DPY19L2: variants seen among roughly 807,000 people sequenced by gnomAD.
DPY19L2 encodes dpy-19 like 2.
DPY19L2 carries 34 observed loss-of-function variants against 97.9 expected under a neutral mutation model. That is an observed-to-expected ratio of 0.35 (90% CI 0.26 to 0.46). The LOEUF is 0.46. DPY19L2 is among the 20% of genes least tolerant of loss of function. DPY19L2 has a pLI of 1.00. For missense variants in DPY19L2, 623 were observed against 911.4 expected, an observed-to-expected ratio of 0.68 and a Z score of 4.07; for synonymous variants, 230 against 307.9, an observed-to-expected ratio of 0.75 and a Z score of 2.65.
intron 19 of DPY19L2, among the ~76,000 whole-genome samples, chr12:63,574,556 C>T (rs966353104): frequency 6.6e-6 from 1 of 151,718 alleles, no homozygotes; most frequent in Non-Finnish European, 1.5e-5. Flanking sequence ...CTGTTACCTA[C>T]AAGAAACACA....
intron 6 of DPY19L2, among the ~76,000 whole-genome samples, chr12:63,636,743 A>C (rs1041738674): frequency 2.6e-5 from 4 of 152,182 alleles, no homozygotes; most frequent in Non-Finnish European, 5.9e-5. Context: ...AACTATCCTA[A>C]ATATATATGC....
chr12:63,636,204 A>G (rs1179743309), intron 6 of DPY19L2, among the ~76,000 whole-genome samples: 4 of 152,100 alleles, frequency 2.6e-5, no homozygotes. Flanking sequence ...GAGAAATAAA[A>G]TCCTTTACAG....
At chr12:63,642,326 T>C (rs1252378968) in intron 6 of DPY19L2, among the ~76,000 whole-genome samples, 1 of 151,148 alleles carries the variant, frequency 6.6e-6, no homozygotes, top group African/African-American at 2.5e-5. Flanking sequence ...TTTGAGGAAC[T>C]GAAGTTCTTT....
chr12:63,608,995 G>T (rs1886512504), intron 11 of DPY19L2, among the ~76,000 whole-genome samples: 1 of 152,066 alleles, frequency 6.6e-6, no homozygotes, highest in African/African-American at 2.4e-5. Context: ...AAGTCTGTAT[G>T]TCAGTTATCC....
At chr12:63,573,816 A>G (rs1879333069) in intron 19 of DPY19L2, among the ~76,000 whole-genome samples, 2 of 152,148 alleles carry the variant, frequency 1.3e-5, no homozygotes. Context: ...CTTTTACCTG[A>G]GAGTAGTGTA....
rs190267409 is a variant in DPY19L2, at chr12:63,572,608, G to T, written c.1901-1751C>A. Among the ~76,000 whole-genome samples, 638 of 152,234 alleles carry T rather than the reference G, an allele frequency of 4.2e-3. 11 individuals are homozygous for T. Among genetic ancestry groups the T allele is most frequent in the African/African-American group, 0.015 (603 of 41,524 alleles). ...GTGGTGGCCAGGCAGTAGTTACAAT[G>T]AGCTTTGGGTAAGACCCAGTGCTGT... is the stretch of plus-strand genomic sequence containing the variant. On this transcript the variant is annotated intron_variant, in intron 19 of 21. Transcript: ENST00000324472.
intron 21 of DPY19L2, among the ~76,000 whole-genome samples, chr12:63,564,411 A>T (rs112096485): frequency 6.6e-6 from 1 of 152,212 alleles, no homozygotes. Flanking sequence ...CATCCCACAA[A>T]TAGCGGGATG....
chr12:63,643,119 A>G (rs1284598128), intron 6 of DPY19L2, among the ~76,000 whole-genome samples: 1 of 152,086 alleles, frequency 6.6e-6, no homozygotes, highest in African/African-American at 2.4e-5. Context: ...ATCTAGTAAC[A>G]TTGTAAATTT....
chr12:63,623,245 A>G (rs2137823730), intron 8 of DPY19L2, among the ~76,000 whole-genome samples: 1 of 151,970 alleles, frequency 6.6e-6, no homozygotes, highest in African/African-American at 2.4e-5. Flanking sequence ...AAAAAAGTGT[A>G]TCCAAAAAAA....
At chr12:63,604,537 G>A (rs1383225415) in intron 12 of DPY19L2, among the ~76,000 whole-genome samples, 1 of 151,990 alleles carries the variant, frequency 6.6e-6, no homozygotes. Context: ...CCTTTTTCCT[G>A]TGATTTTCTC....
At chr12:63,638,951 C>T (rs541197706) in intron 6 of DPY19L2, among the ~76,000 whole-genome samples, 6 of 152,222 alleles carry the variant, frequency 3.9e-5, no homozygotes, top group Non-Finnish European at 7.4e-5. Flanking sequence ...TGACTTCAAA[C>T]TATACTACAA....
Position 63,665,857 on chromosome 12 carries a change from C to A in DPY19L2, c.340G>T (p.Val114Phe), listed in dbSNP as rs766645950. The change falls in exon 2 of 22, where the codon GTC becomes TTC. Residue 114 changes from valine (V) to phenylalanine (F), a missense_variant and splice_region_variant. By Grantham distance (50) the Val-to-Phe change is conservative. Transcript: ENST00000324472. Reference sequence around the variant, plus strand: ...TACCAATGTAAAATTGCCACAAAGACAGCTGGAATAAAGAAAAAAAGGAAA... The same window carrying A: ...TACCAATGTAAAATTGCCACAAAGAAAGCTGGAATAAAGAAAAAAAGGAAA... ...FSSRTTLGIA[V>F]FVAILHWLHL... 6.3e-6 allele frequency: 10 copies of A among 1,584,670 alleles called. No individual in the cohort carries two copies. Among genetic ancestry groups the A allele is most frequent in the African/African-American group, 1.4e-5 (1 of 73,804 alleles).
chr12:63,571,614 G>A (rs775514096), intron 19 of DPY19L2, among the ~76,000 whole-genome samples: 1 of 152,152 alleles, frequency 6.6e-6, no homozygotes, highest in Non-Finnish European at 1.5e-5. Flanking sequence ...CATAAAAAAG[G>A]AAAGCATTGT....
chr12:63,603,117 G>C (rs1055509165), intron 12 of DPY19L2, among the ~76,000 whole-genome samples: 10 of 151,694 alleles, frequency 6.6e-5, no homozygotes, highest in Admixed American at 6.6e-5. Flanking sequence ...TTTAAAGCAA[G>C]GATAAGAAGC....
intron 21 of DPY19L2, among the ~76,000 whole-genome samples, chr12:63,563,652 G>T (rs1214259576): frequency 1.3e-5 from 2 of 152,110 alleles, no homozygotes; most frequent in East Asian, 1.9e-4. Flanking sequence ...TATATTGCTA[G>T]ATTCATTTGT....
intron 6 of DPY19L2, among the ~76,000 whole-genome samples, chr12:63,643,126 ATT>A (rs1892931154): frequency 6.6e-6 from 1 of 151,948 alleles, no homozygotes; most frequent in Non-Finnish European, 1.5e-5. Flanking sequence ...AACATTGTAA[ATT>A]TTCTTATTAT....
At chr12:63,660,183 C>G (rs1317443298) in intron 4 of DPY19L2, among the ~76,000 whole-genome samples, 1 of 151,952 alleles carries the variant, frequency 6.6e-6, no homozygotes, top group African/African-American at 2.4e-5. Context: ...GGTATATATC[C>G]TAGACAAAAT....
At chr12:63,628,868 T>C (rs4763097) in intron 6 of DPY19L2, among the ~76,000 whole-genome samples, 103,338 of 149,346 alleles carry the variant, frequency 0.69, 36,352 homozygotes, top group African/African-American at 0.8. Context: ...TGAGACAAAA[T>C]TTCCAGAGGA....
Position 63,595,897 on chromosome 12 carries a change from C to T in DPY19L2, c.1533+69G>A, listed in dbSNP as rs1446100180. The T allele has an allele frequency of 2.1e-6, 3 of 1,396,762 alleles. No individual in the cohort carries two copies. The East Asian group carries it at 8.0e-5, about 37-fold the overall frequency. The allele number at this position is 1,396,762 out of a possible 1,614,324, so 86.5% of individuals were successfully genotyped here. A position where few individuals can be genotyped will look rare whatever the true frequency, so the allele number is the denominator to read the frequency against. On this transcript the variant is annotated intron_variant, in intron 15 of 21. Coordinates refer to ENST00000324472, the MANE Select transcript of DPY19L2 (RefSeq NM_173812.5). ...TTCATCCTAAAAATAACATGGAATT[C>T]TGAGCAATTTGCATTCTTATAGTCC...
Sources: allele counts gnomAD v4.1 joint callset (sites outside exome capture counted in the v4.1 genomes callset), GRCh38; gene constraint gnomAD v4.1.1; transcripts MANE v1.5; gene names NCBI Gene and HGNC (gene_info 2026-07-23, HGNC 2026-07-21).